PHACTR1: variants seen among roughly 807,000 people sequenced by gnomAD.
The protein encoded by PHACTR1 is RPEL repeat containing 1.
A neutral mutation model predicts 69.2 loss-of-function variants in PHACTR1; 16 were observed. The observed-to-expected ratio is 0.23, with a 90% CI of 0.16 to 0.35. PHACTR1 has a LOEUF of 0.35. Among genes scored for constraint, PHACTR1 ranks in the 10% least tolerant of loss-of-function variants. The pLI, the probability that PHACTR1 is intolerant of heterozygous loss-of-function variation, is 1.00. For synonymous variants in PHACTR1, 312 were observed against 284.5 expected (o/e 1.10, Z -0.97); for missense variants, 510 against 734.7 (o/e 0.69, Z 3.54).
intron 6 of PHACTR1, among the ~76,000 whole-genome samples, chr6:13,162,275 T>TTTTGTTTGTTTGTTTG: frequency 6.7e-6 from 1 of 149,848 alleles, no homozygotes; most frequent in African/African-American, 2.5e-5. Flanking sequence ...ACTTTTGTTT[T>TTTTGTTTGTTTGTTTG]TTTGTTTGTT....
At chr6:13,036,544 T>A (rs982424307) in intron 4 of PHACTR1, among the ~76,000 whole-genome samples, 1 of 152,152 alleles carries the variant, frequency 6.6e-6, no homozygotes, top group African/African-American at 2.4e-5. Flanking sequence ...AATTAGCAAA[T>A]CCTCTTGTGG....
At position 13,229,335 on chromosome 6, in the gene PHACTR1, G is replaced by T. The variant is rs1180982848; in HGVS notation, c.1235-702G>T. ...AAAAAATGCCTTGGGATTTTGCCAG[G>T]TGTTCCCTGGGGAGCAAAATCACCA... is the stretch of plus-strand genomic sequence containing the variant. On this transcript the variant is annotated intron_variant, in intron 9 of 14. Transcript: ENST00000332995. Among the ~76,000 whole-genome samples the T allele has an allele frequency of 2.0e-5, 3 of 152,078 alleles. No individual in the cohort carries two copies. In the East Asian group the frequency reaches 5.8e-4, roughly 29 times the overall value.
chr6:13,247,831 C>G (rs1050546815), intron 10 of PHACTR1, among the ~76,000 whole-genome samples: 3 of 152,088 alleles, frequency 2.0e-5, no homozygotes, highest in Admixed American at 2.0e-4. Flanking sequence ...AGCCACTGCA[C>G]TCCAGCCTGG....
intron 10 of PHACTR1, among the ~76,000 whole-genome samples, chr6:13,248,806 A>G (rs1366681856): frequency 6.6e-6 from 1 of 152,224 alleles, no homozygotes; most frequent in African/African-American, 2.4e-5. Flanking sequence ...TCTAATCTGC[A>G]TGTGTGGGCT....
At chr6:13,237,406 A>G (rs1028414843) in intron 10 of PHACTR1, among the ~76,000 whole-genome samples, 1 of 152,064 alleles carries the variant, frequency 6.6e-6, no homozygotes, top group Non-Finnish European at 1.5e-5. Flanking sequence ...GCAAAAATAT[A>G]TATTTGTGGA....
chr6:13,098,607 T>C (rs957374069), intron 5 of PHACTR1, among the ~76,000 whole-genome samples: 12 of 152,196 alleles, frequency 7.9e-5, no homozygotes, highest in African/African-American at 2.9e-4. Context: ...AAACTCATCA[T>C]TCACCTCCCA....
intron 4 of PHACTR1, among the ~76,000 whole-genome samples, chr6:12,902,559 A>G (rs932414541): frequency 4.6e-5 from 7 of 152,154 alleles, no homozygotes; most frequent in Admixed American, 4.6e-4. Context: ...GGGTAAACAT[A>G]GTGTCAGCTC....
intron 8 of PHACTR1, among the ~76,000 whole-genome samples, chr6:13,219,623 C>T: frequency 6.6e-6 from 1 of 152,174 alleles, no homozygotes; most frequent in Non-Finnish European, 1.5e-5. Context: ...TCACCCCCAG[C>T]CATGTGCTAC....
At chr6:12,957,385 G>C in intron 4 of PHACTR1, 2 of 985,402 alleles carry the variant, frequency 2.0e-6, no homozygotes, top group Non-Finnish European at 2.4e-6. Context: ...GATTGGGGAC[G>C]GCCGAGGCAG....
intron 5 of PHACTR1, among the ~76,000 whole-genome samples, chr6:13,074,981 AAG>A (rs1288580702): frequency 1.3e-5 from 2 of 152,320 alleles, no homozygotes; most frequent in African/African-American, 2.4e-5. Context: ...AAAAACATGA[AAG>A]AAACATTTGA....
chr6:12,758,309 G>A (rs905629714), intron 4 of PHACTR1, among the ~76,000 whole-genome samples: 1 of 151,600 alleles, frequency 6.6e-6, no homozygotes, highest in Non-Finnish European at 1.5e-5. Flanking sequence ...CGGTGTGGGG[G>A]CACACACCTG....
At chr6:12,859,225 A>G (rs1368985306) in intron 4 of PHACTR1, among the ~76,000 whole-genome samples, 1 of 152,212 alleles carries the variant, frequency 6.6e-6, no homozygotes, top group Non-Finnish European at 1.5e-5. Context: ...TTTAAACCCT[A>G]CTATCACAGG....
chr6:12,837,045 A>C (rs1214146534), intron 4 of PHACTR1, among the ~76,000 whole-genome samples: 1 of 152,128 alleles, frequency 6.6e-6, no homozygotes, highest in African/African-American at 2.4e-5. Flanking sequence ...GCTTCCTCCC[A>C]TCTCTTTGCT....
At chr6:12,808,922 G>A (rs951273896) in intron 4 of PHACTR1, among the ~76,000 whole-genome samples, 1 of 151,610 alleles carries the variant, frequency 6.6e-6, no homozygotes, top group African/African-American at 2.4e-5. Flanking sequence ...CTGTTGCCCA[G>A]GCTGGAGTGC....
intron 8 of PHACTR1, among the ~76,000 whole-genome samples, chr6:13,222,907 CTG>C (rs768400275): frequency 6.6e-6 from 1 of 152,216 alleles, no homozygotes; most frequent in African/African-American, 2.4e-5. Flanking sequence ...TTTAACCAAA[CTG>C]TGATATCTGC....
Position 12,749,716 on chromosome 6 carries a change from C to T in PHACTR1, c.176C>T (p.Pro59Leu). ...TCGGAGGATGATATAGACCGGCGGC[C>T]CATCCGGAGAGTGCGCTCCAAGAGC... ...ASSEDDIDRR[P>L]IRRVRSKSDT... The change falls in exon 4 of 15, where the codon CCC becomes CTC. Residue 59 changes from proline (P) to leucine (L), a missense_variant. Pro to Leu is a moderately conservative substitution (Grantham distance 98). Transcript: ENST00000332995. The T allele has an allele frequency of 6.2e-7, 1 of 1,612,388 alleles. No homozygotes were observed. Among genetic ancestry groups the T allele is most frequent in the Non-Finnish European group, 8.5e-7 (1 of 1,179,684 alleles).
At chr6:13,113,348 C>T (rs561073530) in intron 5 of PHACTR1, among the ~76,000 whole-genome samples, 33 of 152,132 alleles carry the variant, frequency 2.2e-4, no homozygotes, top group Non-Finnish European at 4.4e-4. Context: ...AGGGAGAATA[C>T]ATCAAAGATT....
rs945936445 is a variant in PHACTR1, at chr6:13,246,141, C to G, written c.1391+15948C>G. Among the ~76,000 whole-genome samples, 3 of 152,156 alleles carry G rather than the reference C, an allele frequency of 2.0e-5. No homozygotes were observed. Among genetic ancestry groups the G allele is most frequent in the African/African-American group, 4.8e-5 (2 of 41,444 alleles). On this transcript the variant is annotated intron_variant, in intron 10 of 14. Transcript: ENST00000332995. The surrounding 1 kb of genome is among the most constrained non-coding windows in gnomAD (Gnocchi z 4.2). ...TCTCAAAAAAGAGAGAGAAATAGAT[C>G]ATGTTTTACTGGAATAAACAGGCCA...
At chr6:13,082,538 G>A (rs995760126) in intron 5 of PHACTR1, among the ~76,000 whole-genome samples, 23 of 152,166 alleles carry the variant, frequency 1.5e-4, no homozygotes, top group African/African-American at 5.3e-4. Context: ...CTTCCACAAT[G>A]GTTGAACTAG....
Sources: gnomAD v4.1 joint callset for allele counts (sites outside exome capture counted in the v4.1 genomes callset) on GRCh38, gnomAD v4.1.1 for gene constraint, Gnocchi (gnomAD v3.1) non-coding constraint, MANE v1.5 for transcripts, NCBI Gene and HGNC (gene_info 2026-07-23, HGNC 2026-07-21) for gene names.